WIPI2: variants seen among roughly 807,000 people sequenced by gnomAD.
The protein encoded by WIPI2 is WD repeat domain, phosphoinositide interacting 2.
In WIPI2, 28 loss-of-function variants were observed where a neutral mutation model predicts 52.3. The ratio of observed to expected loss-of-function variants is 0.54; its 90% CI spans 0.40 to 0.73. The LOEUF is 0.73. Ranked by LOEUF, WIPI2 falls within the 30% of genes least tolerant of loss-of-function variation. WIPI2 has a pLI of 0.00. For missense variants in WIPI2, 506 were observed against 602.9 expected, an observed-to-expected ratio of 0.84 and a Z score of 1.68; for synonymous variants, 268 against 245.0, an observed-to-expected ratio of 1.09 and a Z score of -0.88.
intron 3 of WIPI2, among the ~76,000 whole-genome samples, chr7:5,205,321 A>G (rs1041726919): frequency 6.6e-6 from 1 of 152,118 alleles, no homozygotes; most frequent in Admixed American, 6.5e-5. Context: ...TTCACTCCAG[A>G]GTGATTGGTC....
At position 5,228,164 on chromosome 7, in the gene WIPI2, C is replaced by T. The variant is rs376449030; in HGVS notation, c.1074C>T (p.Asn358=). 1.3e-4 allele frequency: 209 copies of T among 1,613,736 alleles called. No individual in the cohort carries two copies. The highest frequency in any genetic ancestry group is 1.6e-4 in the Non-Finnish European group (191 of 1,179,998). Residue 358 remains asparagine (N), a synonymous_variant, in exon 11 of 13, where the codon AAC becomes AAT. Transcript: ENST00000288828. ...CCGACGGGTACCTGTACATGTACAA[C>T]CTGGACCCCCAGGAGGGCGGCGAGT... The part of the protein sequence containing the change: ...GAADGYLYMY[N]LDPQEGGECA...
In WIPI2 at chr7:5,193,314, A is replaced by G. The variant is rs182420985; in HGVS notation, c.128+143A>G. The G allele has an allele frequency of 2.2e-4, 330 of 1,483,332 alleles. 2 individuals are homozygous for G. The East Asian group carries it at 6.2e-3, about 28-fold the overall frequency. 91.9% of individuals were successfully genotyped at this position (1,483,332 alleles called of 1,614,324 possible). ...CTGAAATGGAAATATCAAGGACTAC[A>G]TTTTTCCAGTGGATACCACAGCTTG... On this transcript the variant is annotated intron_variant, in intron 2 of 12. Coordinates refer to ENST00000288828, the MANE Select transcript of WIPI2 (RefSeq NM_015610.4).
intron 2 of WIPI2, among the ~76,000 whole-genome samples, chr7:5,195,379 G>A (rs1458266203): frequency 6.6e-6 from 1 of 152,116 alleles, no homozygotes; most frequent in Non-Finnish European, 1.5e-5. Context: ...CCAGCTACTC[G>A]GGAGGCTGAG....
chr7:5,193,011 A>C (rs908936186), intron 1 of WIPI2, 107 bp from the exon 2 acceptor site: 1 of 1,044,884 alleles, frequency 9.6e-7, no homozygotes, highest in East Asian at 2.4e-5. Flanking sequence ...TACTGGTAAT[A>C]TGATTTCCAA....
At chr7:5,199,161 T>A (rs1781904393) in intron 2 of WIPI2, among the ~76,000 whole-genome samples, 1 of 152,152 alleles carries the variant, frequency 6.6e-6, no homozygotes, top group Non-Finnish European at 1.5e-5. Context: ...CCTGAGTAGC[T>A]CCCTGGGACT....
At chr7:5,196,362 A>G (rs976776125) in intron 2 of WIPI2, among the ~76,000 whole-genome samples, 3 of 152,136 alleles carry the variant, frequency 2.0e-5, no homozygotes, top group Admixed American at 2.0e-4. Flanking sequence ...AAAAAGAAAA[A>G]CCAACTTATC....
intron 4 of WIPI2, among the ~76,000 whole-genome samples, 157 bp downstream of exon 4, chr7:5,214,861 C>T (rs546955805): frequency 6.6e-6 from 1 of 152,334 alleles, no homozygotes; most frequent in Admixed American, 6.5e-5. Flanking sequence ...GCTCTGTTTC[C>T]TCACCCACCA....
chr7:5,192,044 C>G (rs925496569), intron 1 of WIPI2, among the ~76,000 whole-genome samples: 2 of 152,284 alleles, frequency 1.3e-5, no homozygotes, highest in East Asian at 3.9e-4. Context: ...TCTTTCTGCT[C>G]TGCCATGCTG....
At chr7:5,219,423 T>G (rs1412702459) in intron 7 of WIPI2, among the ~76,000 whole-genome samples, 1 of 149,548 alleles carries the variant, frequency 6.7e-6, no homozygotes, top group African/African-American at 2.5e-5. Context: ...CCAAAAGTAC[T>G]TGATGGAATT....
intron 7 of WIPI2, 21 bp downstream of exon 7, chr7:5,218,035 G>C (rs765784167): frequency 1.2e-6 from 2 of 1,613,314 alleles, no homozygotes; most frequent in Non-Finnish European, 1.7e-6. Flanking sequence ...TTTTCCCCGG[G>C]GGAGCACTGG....
chr7:5,210,940 C>A (rs1186485097), intron 3 of WIPI2, among the ~76,000 whole-genome samples: 1 of 152,192 alleles, frequency 6.6e-6, no homozygotes, highest in East Asian at 1.9e-4. Context: ...TCAGCCCACA[C>A]ATGTGCTTTC....
chr7:5,222,307 C>T (rs1471512049), intron 7 of WIPI2, among the ~76,000 whole-genome samples: 2 of 152,304 alleles, frequency 1.3e-5, no homozygotes, highest in African/African-American at 4.8e-5. Flanking sequence ...GAATGATATG[C>T]CACTTTTGCC....
In WIPI2 at chr7:5,230,819, C is replaced by G; in HGVS notation, c.1253-16C>G. The G allele has an allele frequency of 2.5e-6, 4 of 1,606,292 alleles. No individual in the cohort carries two copies. Among genetic ancestry groups the G allele is most frequent in the Non-Finnish European group, 3.4e-6 (4 of 1,175,358 alleles). The stretch of plus-strand genomic sequence containing the variant: ...GTCCCCAGCCTTTGAAGGGTGACTT[C>G]GTCGTCTCTTTGCAGCCTACACAGA... On this transcript the variant is annotated splice_polypyrimidine_tract_variant and intron_variant, in intron 12 of 12. Coordinates refer to ENST00000288828, the MANE Select transcript of WIPI2 (RefSeq NM_015610.4). The surrounding 1 kb of genome is among the most constrained non-coding windows in gnomAD (Gnocchi z 4.8).
Position 5,229,614 on chromosome 7 carries a change from C to A in WIPI2, c.1128C>A (p.Asp376Glu), listed in dbSNP as rs142552712. The change falls in exon 12 of 13, where the codon GAC (aspartate) becomes GAA (glutamate). Residue 376 changes from aspartate (D) to glutamate (E), a missense_variant. Asp to Glu is a conservative substitution (Grantham distance 45). Transcript: ENST00000288828. ...GTCGCTTTCTTCCCTCCAGGCTGGA[C>A]GGCAGTCTGGAAACGACCAATGAGA... ...ECALMKQHRLDGSLETTNEIL... is the reference protein window; with the variant it reads ...ECALMKQHRLEGSLETTNEIL... The A allele has an allele frequency of 6.2e-7, 1 of 1,612,954 alleles. No homozygotes were observed. Among genetic ancestry groups the A allele is most frequent in the Non-Finnish European group, 8.5e-7 (1 of 1,179,542 alleles).
intron 8 of WIPI2, among the ~76,000 whole-genome samples, chr7:5,225,197 G>A (rs569072286): frequency 1.0e-3 from 159 of 151,782 alleles, no homozygotes; most frequent in Middle Eastern, 3.4e-3. Context: ...CTGGAGTGCA[G>A]TGGTGCGATC....
At chr7:5,226,216 C>T (rs1210602382) in intron 9 of WIPI2, 2 of 377,968 alleles carry the variant, frequency 5.3e-6, no homozygotes, top group Non-Finnish European at 4.9e-6. Context: ...AAGATGGCCT[C>T]TCCTCAGGTT....
chr7:5,230,434 A>C lies in WIPI2; in HGVS notation c.1253-401A>C, dbSNP rs980253981. Among the ~76,000 whole-genome samples, 4 of 152,168 alleles carry C rather than the reference A, an allele frequency of 2.6e-5. No individual in the cohort carries two copies. The highest frequency in any genetic ancestry group is 9.7e-5 in the African/African-American group (4 of 41,448). ...TGGGAGAGCCTGTGGTTTTGCACCC[A>C]CGCAGGGCTGTGCCTGCTCGCTGCC... is the stretch of plus-strand genomic sequence containing the variant. On this transcript the variant is annotated intron_variant, in intron 12 of 12. Coordinates refer to ENST00000288828, the MANE Select transcript of WIPI2 (RefSeq NM_015610.4). This position sits in a 1 kb window ranked among gnomAD's most constrained non-coding sequence, Gnocchi z 4.8.
rs1045069658 is a variant in WIPI2 at position 5,203,617 on chromosome 7, C to T, written c.211+3959C>T. The stretch of plus-strand genomic sequence containing the variant: ...GTGGGATGGAAGTCACTAAAGTTTA[C>T]GTTCAGCCTTTTTTTTTTTTTTTTT... On this transcript the variant is annotated intron_variant, in intron 3 of 12. Coordinates refer to ENST00000288828, the MANE Select transcript of WIPI2 (RefSeq NM_015610.4). 2.1e-5 allele frequency among the ~76,000 whole-genome samples: 3 copies of T among 142,712 alleles called. No individual in the cohort carries two copies. The South Asian group carries it at 6.6e-4, about 32-fold the overall frequency. The allele number at this position is 142,712 out of a possible 152,430, so 93.6% of individuals were successfully genotyped here.
intron 3 of WIPI2, among the ~76,000 whole-genome samples, chr7:5,210,369 C>T (rs1427560604): frequency 1.3e-5 from 2 of 152,230 alleles, no homozygotes; most frequent in Non-Finnish European, 2.9e-5. Flanking sequence ...TTTCCTCTTC[C>T]CTCCTCTGCA....
Sources: gnomAD v4.1 joint callset for allele counts (sites outside exome capture counted in the v4.1 genomes callset) on GRCh38, gnomAD v4.1.1 for gene constraint, Gnocchi (gnomAD v3.1) non-coding constraint, MANE v1.5 for transcripts, NCBI Gene and HGNC (gene_info 2026-07-23, HGNC 2026-07-21) for gene names.